The following DTNB variants were observed in gnomAD, a reference collection of about 807,000 sequenced individuals.
DTNB encodes the protein dystrobrevin beta.
Under a neutral mutation model 90.7 loss-of-function variants are expected in DTNB, and 63 were observed. That is an observed-to-expected ratio of 0.69 (90% CI 0.57 to 0.86). The LOEUF (loss-of-function observed/expected upper bound fraction) is 0.86, where lower values mean the gene tolerates loss of function less well. DTNB is among the 40% of genes least tolerant of loss of function. DTNB has a pLI of 0.00. For missense variants in DTNB, 744 were observed against 807.1 expected (o/e 0.92, Z 0.95); for synonymous variants, 277 against 286.7 (o/e 0.97, Z 0.34).
intron 4 of DTNB, among the ~76,000 whole-genome samples, chr2:25,609,703 CACACA>C (rs2068067615): frequency 9.3e-6 from 1 of 107,416 alleles, no homozygotes; most frequent in Non-Finnish European, 2.0e-5. Flanking sequence ...CACACACACA[CACACA>C]AAATTAAAAA....
chr2:25,587,674 C>T (rs1171407219), intron 6 of DTNB, among the ~76,000 whole-genome samples: 1 of 152,174 alleles, frequency 6.6e-6, no homozygotes, highest in Admixed American at 6.5e-5. Flanking sequence ...ATCTTGAAGC[C>T]ACTTGTCATT....
chr2:25,534,222 C>T (rs3105720), intron 8 of DTNB, among the ~76,000 whole-genome samples: 49,073 of 151,886 alleles, frequency 0.32, 9,625 homozygotes, highest in African/African-American at 0.54. Flanking sequence ...GAGCATGCTG[C>T]CTTCAAGCAT....
intron 8 of DTNB, among the ~76,000 whole-genome samples, chr2:25,539,647 T>C (rs1029658926): frequency 1.3e-5 from 2 of 151,766 alleles, no homozygotes; most frequent in African/African-American, 4.8e-5. Flanking sequence ...CCTAGGAAAG[T>C]TGTATCTTAC....
rs573855934 is a variant in DTNB at position 25,459,555 on chromosome 2, G to A, written c.1080-4061C>T. On this transcript the variant is annotated intron_variant, in intron 10 of 20. Transcript: ENST00000406818. ...GTTGCCCAGGCTGGAGCGCAGTGGC[G>A]TGACCTTGGCTCACTGCAACCTCAG... 1.6e-4 allele frequency among the ~76,000 whole-genome samples: 24 copies of A among 152,190 alleles called. No individual in the cohort carries two copies. In the South Asian group the frequency reaches 1.7e-3, roughly 11 times the overall value.
At chr2:25,665,563 T>C (rs1386501027) in intron 1 of DTNB, among the ~76,000 whole-genome samples, 1 of 151,586 alleles carries the variant, frequency 6.6e-6, no homozygotes, top group Non-Finnish European at 1.5e-5. Context: ...GAGGTAGAGG[T>C]TACAATGAGC....
At position 25,432,904 on chromosome 2, in the gene DTNB, G is replaced by A. The variant is rs1048855514; in HGVS notation, c.1439C>T (p.Ala480Val). The A allele has an allele frequency of 3.7e-6, 6 of 1,607,150 alleles. No individual in the cohort carries two copies. The highest frequency in any genetic ancestry group is 2.2e-5 in the South Asian group (2 of 89,442). The part of the protein sequence containing the change: ...EKAQQNPTLL[A>V]ELRLLRQRKD... ...TACTCACCTCAGCAGCCGCAGCTCT[G>A]CCAGCAGCGTGGGGTTCTGCTGTGC... The change falls in exon 14 of 21, where the codon GCA (alanine) becomes GTA (valine). Residue 480 changes from alanine to valine, a missense_variant. Transcript: ENST00000406818.
chr2:25,379,531 G>T, intron 19 of DTNB: 1 of 456,566 alleles, frequency 2.2e-6, no homozygotes, highest in Non-Finnish European at 3.6e-6. Context: ...GGCAGCCATG[G>T]AGACAGATGC....
intron 16 of DTNB, among the ~76,000 whole-genome samples, chr2:25,391,039 G>T (rs1453446831): frequency 6.6e-6 from 1 of 151,866 alleles, no homozygotes; most frequent in East Asian, 1.9e-4. Context: ...TGGGACTACA[G>T]GTGCCCGTCA....
At chr2:25,555,319 C>A (rs1330894493) in intron 8 of DTNB, among the ~76,000 whole-genome samples, 4 of 147,548 alleles carry the variant, frequency 2.7e-5, no homozygotes, top group Non-Finnish European at 4.5e-5. Context: ...ACAAAAAGGT[C>A]TGAAGCAAAT....
At chr2:25,670,322 A>G (rs931035446) in intron 1 of DTNB, among the ~76,000 whole-genome samples, 1 of 152,222 alleles carries the variant, frequency 6.6e-6, no homozygotes, top group Non-Finnish European at 1.5e-5. Context: ...ACAAAAACTG[A>G]TAACTTCTGT....
At chr2:25,481,408 A>AT (rs760648476) in intron 10 of DTNB, among the ~76,000 whole-genome samples, 565 of 19,252 alleles carry the variant, frequency 0.029, 1 homozygote, top group Admixed American at 0.072. Context: ...GTGTCTCCAA[A>AT]TTTAAAAAAA....
chr2:25,658,661 T>C (rs1415077569), intron 1 of DTNB, among the ~76,000 whole-genome samples: 6 of 152,134 alleles, frequency 3.9e-5, no homozygotes, highest in Non-Finnish European at 8.8e-5. Flanking sequence ...AAAAAGCCAG[T>C]GTGAAAAGGC....
At chr2:25,465,249 G>A (rs1325630854) in intron 10 of DTNB, among the ~76,000 whole-genome samples, 3 of 151,910 alleles carry the variant, frequency 2.0e-5, no homozygotes, top group South Asian at 2.1e-4. Flanking sequence ...GGTGGCGGGC[G>A]CCTGTAGTCC....
At chr2:25,511,785 A>C (rs1299321358) in intron 9 of DTNB, among the ~76,000 whole-genome samples, 11 of 152,204 alleles carry the variant, frequency 7.2e-5, no homozygotes, top group Non-Finnish European at 1.6e-4. Flanking sequence ...TCATCTCAAT[A>C]AACTCTATGG....
intron 9 of DTNB, among the ~76,000 whole-genome samples, chr2:25,498,968 T>A (rs1053310597): frequency 4.9e-4 from 73 of 147,730 alleles, no homozygotes; most frequent in African/African-American, 1.8e-3. Flanking sequence ...GTAATCCCAG[T>A]ACTTTAGGAG....
intron 10 of DTNB, among the ~76,000 whole-genome samples, chr2:25,475,194 C>T (rs1352804334): frequency 6.6e-6 from 1 of 152,190 alleles, no homozygotes; most frequent in Non-Finnish European, 1.5e-5. Context: ...CCTCTTGTGC[C>T]AAACAGTCAA....
At chr2:25,564,911 C>T (rs752986892) in intron 8 of DTNB, among the ~76,000 whole-genome samples, 6 of 152,008 alleles carry the variant, frequency 3.9e-5, no homozygotes, top group African/African-American at 9.7e-5. Context: ...TTAAAAGTAA[C>T]GGGGAAACCA....
At chr2:25,639,555 C>A (rs115133308) in intron 2 of DTNB, among the ~76,000 whole-genome samples, 1 of 150,620 alleles carries the variant, frequency 6.6e-6, no homozygotes, top group East Asian at 2.0e-4. Flanking sequence ...GGGAACGGAC[C>A]GGTTGCCTGA....
chr2:25,539,363 G>C (rs916415156), intron 8 of DTNB, among the ~76,000 whole-genome samples: 2 of 152,222 alleles, frequency 1.3e-5, no homozygotes, highest in African/African-American at 4.8e-5. Flanking sequence ...AGCTGTGTGA[G>C]AGTTCCTTAA....
Sources: allele counts gnomAD v4.1 joint callset (sites outside exome capture counted in the v4.1 genomes callset), GRCh38; gene constraint gnomAD v4.1.1; transcripts MANE v1.5; gene names NCBI Gene and HGNC (gene_info 2026-07-23, HGNC 2026-07-21).